The following PRDM14 variants were observed in gnomAD, a reference collection of about 807,000 sequenced individuals.
PRDM14 encodes the protein PR domain zinc finger protein 14.
PRDM14 carries 16 observed loss-of-function variants against 48.0 expected under a neutral mutation model. That is an observed-to-expected ratio of 0.33 (90% CI 0.23 to 0.51). PRDM14 has a LOEUF of 0.51. Among genes scored for constraint, PRDM14 ranks in the 20% least tolerant of loss-of-function variants. The pLI is 0.97. For missense variants in PRDM14, 566 were observed against 719.6 expected, an observed-to-expected ratio of 0.79 and a Z score of 2.44; for synonymous variants, 264 against 276.6, an observed-to-expected ratio of 0.95 and a Z score of 0.45.
chr8:70,053,851 G>A (rs534620621), intron 7 of PRDM14, among the ~76,000 whole-genome samples: 7 of 152,282 alleles, frequency 4.6e-5, no homozygotes, highest in South Asian at 2.1e-4. Context: ...TGTAAAAAGC[G>A]TAAATGACTC....
intron 5 of PRDM14, 61 bp from the exon 6 acceptor site, chr8:70,058,903 G>A (rs1563439533): frequency 7.7e-7 from 1 of 1,298,888 alleles, no homozygotes; most frequent in African/African-American, 1.5e-5. Flanking sequence ...TCCTTCAAGA[G>A]GATATTTATT....
intron 7 of PRDM14, among the ~76,000 whole-genome samples, chr8:70,053,812 G>T (rs1161111536): frequency 6.6e-6 from 1 of 152,130 alleles, no homozygotes; most frequent in Non-Finnish European, 1.5e-5. Context: ...GTAGCTGTAG[G>T]ACAGCCTCTA....
rs145108392 is a variant in PRDM14 at position 70,055,600 on chromosome 8, G to A, written c.1387-199C>T. Reference sequence around the variant, plus strand: ...GGTTCACTGCAGCCTGGAACTCCCAGGCTCAAGCGATCCTCCCACCTCAGC... The same window carrying A: ...GGTTCACTGCAGCCTGGAACTCCCAAGCTCAAGCGATCCTCCCACCTCAGC... On this transcript the variant is annotated intron_variant, in intron 6 of 7. Coordinates refer to ENST00000276594, the MANE Select transcript of PRDM14 (RefSeq NM_024504.4). Among the ~76,000 whole-genome samples the A allele has an allele frequency of 1.1e-3, 173 of 151,610 alleles. No individual in the cohort carries two copies. The East Asian group carries it at 0.029, about 25-fold the overall frequency.
intron 1 of PRDM14, among the ~76,000 whole-genome samples, chr8:70,070,221 CG>C (rs1212719116): frequency 3.9e-5 from 6 of 152,196 alleles, no homozygotes; most frequent in Admixed American, 2.0e-4. Flanking sequence ...GCCCCCAACC[CG>C]GTTCCTGCAA....
chr8:70,069,225 G>A lies in PRDM14; in HGVS notation c.636C>T (p.Ser212=), dbSNP rs1805722208. The A allele has an allele frequency of 1.3e-6, 2 of 1,581,824 alleles. No individual in the cohort carries two copies. Among genetic ancestry groups the A allele is most frequent in the Non-Finnish European group, 1.7e-6 (2 of 1,163,698 alleles). The change falls in exon 2 of 8, where the codon AGC becomes AGT. Residue 212 remains serine, a synonymous_variant. Transcript: ENST00000276594. ...LHFVLYGVTP[S]LEHPASLHHA... is the part of the protein sequence containing the mutation. ...GGTGCAGGCTGGCTGGGTGCTCCAG[G>A]CTGGGAGTGACCCCGTACAGAACGA...
intron 5 of PRDM14, among the ~76,000 whole-genome samples, chr8:70,062,993 C>T (rs114958192): frequency 0.013 from 1,979 of 151,172 alleles, 53 homozygotes; most frequent in African/African-American, 0.046. Flanking sequence ...TGATTTTTCA[C>T]TCACAAGAGT....
intron 2 of PRDM14, 107 bp from the exon 3 acceptor site, chr8:70,068,639 T>C (rs1248213941): frequency 1.1e-6 from 1 of 902,874 alleles, no homozygotes; most frequent in Non-Finnish European, 1.8e-6. Flanking sequence ...CATCCCAGTT[T>C]GATATTTATT....
chr8:70,069,775 T>C lies in PRDM14; in HGVS notation c.86A>G (p.Tyr29Cys). Residue 29 changes from tyrosine to cysteine, a missense_variant, in exon 2 of 8, where the codon TAC becomes TGC. Physicochemically the swap from Tyr to Cys is radical, Grantham distance 194 (BLOSUM62 -2). Transcript: ENST00000276594. ...PESSPQNLAA[Y>C]YTPFPSYGHY... ...TCCATAGGACGGGAAAGGCGTGTAG[T>C]ACGCGGCCAGGTTCTGCGGGCTGCT... 6.2e-7 allele frequency: 1 copy of C among 1,609,764 alleles called. No homozygotes were observed. Among genetic ancestry groups the C allele is most frequent in the Non-Finnish European group, 8.5e-7 (1 of 1,178,564 alleles).
In PRDM14 at chr8:70,051,797, G is replaced by GTTTT; in HGVS notation, c.*279_*280insAAAA. ...TTTGTTTTGTTTTGTTTTGAGACAGGGTCTGGTTCTGTCACCCAGGTTGAA... is the reference window on the plus strand; with the variant it reads ...TTTGTTTTGTTTTGTTTTGAGACAGGTTTTGTCTGGTTCTGTCACCCAGGTTGAA... On this transcript the variant is annotated 3_prime_UTR_variant, in exon 8 of 8. Transcript: ENST00000276594. The GTTTT allele has an allele frequency of 4.4e-6, 1 of 226,286 alleles. No individual in the cohort carries two copies. The allele number at this position is 226,286 out of a possible 1,614,324, so 14.0% of individuals were successfully genotyped here.
intron 6 of PRDM14, among the ~76,000 whole-genome samples, chr8:70,057,185 T>C (rs1488872666): frequency 6.6e-6 from 1 of 152,054 alleles, no homozygotes; most frequent in East Asian, 1.9e-4. Flanking sequence ...CACGATGGTC[T>C]TGATCTCCTG....
chr8:70,056,061 C>G (rs1179591185), intron 6 of PRDM14, among the ~76,000 whole-genome samples: 2 of 152,298 alleles, frequency 1.3e-5, no homozygotes, highest in African/African-American at 2.4e-5. Flanking sequence ...CTACTGTGTG[C>G]TCCACACTGC....
At chr8:70,067,098 CAT>C (rs1038002831) in intron 4 of PRDM14, among the ~76,000 whole-genome samples, 4 of 152,170 alleles carry the variant, frequency 2.6e-5, no homozygotes, top group African/African-American at 7.2e-5. Flanking sequence ...ATAGTGAGCA[CAT>C]GTTAATTTCA....
intron 5 of PRDM14, among the ~76,000 whole-genome samples, chr8:70,064,307 A>C (rs192116727): frequency 2.2e-3 from 330 of 151,818 alleles, no homozygotes; most frequent in Non-Finnish European, 3.8e-3. Context: ...CTTCTGCTTC[A>C]CTGTTCCCTG....
chr8:70,057,505 T>G (rs1180624143), intron 6 of PRDM14, among the ~76,000 whole-genome samples: 1 of 152,058 alleles, frequency 6.6e-6, no homozygotes, highest in Non-Finnish European at 1.5e-5. Flanking sequence ...AATGTTTTTA[T>G]ATTTTTAGTA....
At chr8:70,054,067 C>T (rs1322363446) in intron 7 of PRDM14, among the ~76,000 whole-genome samples, 2 of 152,224 alleles carry the variant, frequency 1.3e-5, no homozygotes, top group East Asian at 1.9e-4. Context: ...ATATGATTAA[C>T]CGCGAACTGC....
intron 2 of PRDM14, 91 bp downstream of exon 2, chr8:70,069,047 CCTTCCCGCACTCTGCAGCCTCAG>C (rs1805718201): frequency 1.2e-6 from 1 of 816,088 alleles, no homozygotes; most frequent in Admixed American, 2.7e-5. Context: ...GGTACTTCCC[CCTTCCCGCACTCTGCAGCCTCAG>C]CTCCACCTGG....
At chr8:70,059,321 G>A (rs911178597) in intron 5 of PRDM14, among the ~76,000 whole-genome samples, 2 of 145,502 alleles carry the variant, frequency 1.4e-5, no homozygotes, top group Non-Finnish European at 3.0e-5. Flanking sequence ...ACCCAGGCTG[G>A]AGTGCAGGGG....
chr8:70,064,175 C>A (rs1357747904), intron 5 of PRDM14, among the ~76,000 whole-genome samples: 3 of 151,944 alleles, frequency 2.0e-5, no homozygotes, highest in African/African-American at 7.3e-5. Flanking sequence ...CCTGACAGCC[C>A]CTCATCATTG....
In PRDM14 at chr8:70,068,361, C is replaced by A; in HGVS notation, c.781G>T (p.Gly261Cys). ...EGLCLMQTVF[G>C]EVPHFGVFCS... Reference sequence around the variant, plus strand: ...AACACACCAAAATGTGGGACTTCACCAAACACCGTCTGCATGAGGCATAGA... The same window carrying A: ...AACACACCAAAATGTGGGACTTCACAAAACACCGTCTGCATGAGGCATAGA... The change falls in exon 4 of 8, where the codon GGT becomes TGT. Residue 261 changes from glycine to cysteine, a missense_variant. Coordinates refer to ENST00000276594, the MANE Select transcript of PRDM14 (RefSeq NM_024504.4). 1 of 1,614,188 alleles carries A rather than the reference C, an allele frequency of 6.2e-7. No individual in the cohort carries two copies. Among genetic ancestry groups the A allele is most frequent in the Admixed American group, 1.7e-5 (1 of 60,020 alleles).
Sources: allele counts gnomAD v4.1 joint callset (sites outside exome capture counted in the v4.1 genomes callset), GRCh38; gene constraint gnomAD v4.1.1; transcripts MANE v1.5; gene names NCBI Gene and HGNC (gene_info 2026-07-23, HGNC 2026-07-21).